CYTH3: variants seen among roughly 807,000 people sequenced by gnomAD.
CYTH3 encodes cytohesin 3.
CYTH3 carries 23 observed loss-of-function variants against 55.1 expected under a neutral mutation model. That is an observed-to-expected ratio of 0.42 (90% CI 0.30 to 0.59). The LOEUF (loss-of-function observed/expected upper bound fraction) is 0.59, where lower values mean the gene tolerates loss of function less well. Among genes scored for constraint, CYTH3 ranks in the 20% least tolerant of loss-of-function variants. The pLI is 0.20. For missense variants in CYTH3, 413 were observed against 524.8 expected (o/e 0.79, Z 2.08); for synonymous variants, 249 against 194.9 (o/e 1.28, Z -2.31).
intron 2 of CYTH3, 35 bp downstream of exon 2, chr7:6,190,414 G>GTTT: frequency 7.3e-7 from 1 of 1,371,636 alleles, no homozygotes; most frequent in Non-Finnish European, 9.4e-7. Context: ...AAAAAACAGA[G>GTTT]TTTTGGATTT....
At chr7:6,248,588 C>T (rs376768973) in intron 1 of CYTH3, among the ~76,000 whole-genome samples, 116 of 152,286 alleles carry the variant, frequency 7.6e-4, no homozygotes, top group African/African-American at 2.6e-3. Context: ...CGTGTTGAAG[C>T]CGCGTGTGTC....
chr7:6,213,450 C>T (rs73058682), intron 1 of CYTH3, among the ~76,000 whole-genome samples: 24 of 152,224 alleles, frequency 1.6e-4, no homozygotes, highest in Non-Finnish European at 2.4e-4. Context: ...GCTTTAATAA[C>T]GTTGGTGCCT....
intron 1 of CYTH3, among the ~76,000 whole-genome samples, chr7:6,225,353 A>AT (rs1299545723): frequency 4.0e-4 from 61 of 152,070 alleles, no homozygotes; most frequent in African/African-American, 1.4e-3. Flanking sequence ...AAGGAAAAAA[A>AT]ATTTTTTTTT....
intron 4 of CYTH3, among the ~76,000 whole-genome samples, chr7:6,179,735 CCACCACACA>C (rs1783442607): frequency 1.4e-5 from 1 of 73,310 alleles, no homozygotes; most frequent in Non-Finnish European, 2.4e-5. Flanking sequence ...ACACACACAC[CCACCACACA>C]CACCCCACAC....
chr7:6,225,354 ATT>A (rs774582947), intron 1 of CYTH3, among the ~76,000 whole-genome samples: 139 of 143,346 alleles, frequency 9.7e-4, no homozygotes, highest in African/African-American at 3.3e-3. Context: ...AGGAAAAAAA[ATT>A]TTTTTTTTTT....
chr7:6,221,499 C>T (rs764889087), intron 1 of CYTH3, among the ~76,000 whole-genome samples: 11 of 152,080 alleles, frequency 7.2e-5, no homozygotes, highest in Admixed American at 2.6e-4. Context: ...TTGATTGCAG[C>T]GGTGGCTACA....
At chr7:6,191,454 G>C (rs541052490) in intron 1 of CYTH3, among the ~76,000 whole-genome samples, 1 of 152,196 alleles carries the variant, frequency 6.6e-6, no homozygotes, top group South Asian at 2.1e-4. Context: ...AATAAAAGCA[G>C]ATTGTATGTT....
chr7:6,208,918 C>A (rs1465008551), intron 1 of CYTH3, among the ~76,000 whole-genome samples: 1 of 152,200 alleles, frequency 6.6e-6, no homozygotes, highest in African/African-American at 2.4e-5. Flanking sequence ...AAATAGAGTT[C>A]CTAGACCCTA....
At chr7:6,248,868 G>A (rs1159600943) in intron 1 of CYTH3, among the ~76,000 whole-genome samples, 1 of 152,152 alleles carries the variant, frequency 6.6e-6, no homozygotes, top group Non-Finnish European at 1.5e-5. Context: ...TCACTTCCAT[G>A]GGGATCTGGT....
chr7:6,167,315 G>C lies in CYTH3; in HGVS notation c.824-1505C>G, dbSNP rs1318587551. Among the ~76,000 whole-genome samples the C allele has an allele frequency of 6.6e-6, 1 of 152,200 alleles. No homozygotes were observed. Among genetic ancestry groups the C allele is most frequent in the Non-Finnish European group, 1.5e-5 (1 of 68,038 alleles). ...ACCTGCCTTGTCCCACAGTCCTCCA[G>C]TGAGCAGTGAGAGGTGTTCTATGTC... On this transcript the variant is annotated intron_variant, in intron 9 of 12. Coordinates refer to ENST00000350796, the MANE Select transcript of CYTH3 (RefSeq NM_004227.4). This position sits in a 1 kb window ranked among gnomAD's most constrained non-coding sequence, Gnocchi z 5.5.
intron 1 of CYTH3, among the ~76,000 whole-genome samples, chr7:6,261,440 TGAGGTG>T (rs1780351104): frequency 6.6e-6 from 1 of 151,870 alleles, no homozygotes; most frequent in Non-Finnish European, 1.5e-5. Context: ...TCCGGCCAGG[TGAGGTG>T]GCTCAGGCCT....
At chr7:6,203,179 A>G (rs1383227775) in intron 1 of CYTH3, among the ~76,000 whole-genome samples, 2 of 152,170 alleles carry the variant, frequency 1.3e-5, no homozygotes, top group African/African-American at 4.8e-5. Context: ...TGTAAAAATA[A>G]AATTTTTCCC....
In CYTH3 at chr7:6,164,978, G is replaced by A. The variant is rs761847410; in HGVS notation, c.1166C>T (p.Ala389Val). ...ISRDPFYDML[A>V]TRKRRIANKK is the part of the protein sequence containing the mutation. ...ATTGGCAATCCTTCGTTTCCTCGTT[G>A]CCAACATGTCATAGAAGGGATCTCT... The change falls in exon 13 of 13, where the codon GCA (alanine) becomes GTA (valine). Residue 389 changes from alanine to valine, a missense_variant. Coordinates refer to ENST00000350796, the MANE Select transcript of CYTH3 (RefSeq NM_004227.4). 1.9e-6 allele frequency: 3 copies of A among 1,614,096 alleles called. No homozygotes were observed. Among genetic ancestry groups the A allele is most frequent in the Non-Finnish European group, 2.5e-6 (3 of 1,180,042 alleles).
chr7:6,228,862 A>G (rs1356821760), intron 1 of CYTH3, among the ~76,000 whole-genome samples: 1 of 152,294 alleles, frequency 6.6e-6, no homozygotes, highest in East Asian at 1.9e-4. Context: ...TGGGAAAAAT[A>G]TCTAATTTTG....
rs1783132950 is a variant in CYTH3 at position 6,170,194 on chromosome 7, A to G, written c.823+341T>C. 1 of 273,814 alleles carries G rather than the reference A, an allele frequency of 3.7e-6. No individual in the cohort carries two copies. 17.0% of individuals were successfully genotyped at this position (273,814 alleles called of 1,614,324 possible). On this transcript the variant is annotated intron_variant, in intron 9 of 12. Coordinates refer to ENST00000350796, the MANE Select transcript of CYTH3 (RefSeq NM_004227.4). This position sits in a 1 kb window ranked among gnomAD's most constrained non-coding sequence, Gnocchi z 7.8. ...ACCACGCGTCAAAAATCACAGCCAC[A>G]CCAAACCGAGAGAGGCACACAGGCT...
intron 4 of CYTH3, among the ~76,000 whole-genome samples, chr7:6,183,742 C>G (rs1013371846): frequency 1.3e-5 from 2 of 151,948 alleles, no homozygotes; most frequent in Admixed American, 6.6e-5. Flanking sequence ...GTGTCCCCCC[C>G]ACAATTCATA....
At chr7:6,205,594 A>G (rs1305272591) in intron 1 of CYTH3, among the ~76,000 whole-genome samples, 3 of 152,188 alleles carry the variant, frequency 2.0e-5, no homozygotes, top group African/African-American at 7.2e-5. Flanking sequence ...ATAAAAAACA[A>G]GAAAAGAAGA....
In CYTH3 at chr7:6,164,589, C is replaced by G. The variant is rs10266841; in HGVS notation, c.*355G>C. 0.28 allele frequency: 86,321 copies of G among 310,478 alleles called. 17,927 individuals carry two copies. Among genetic ancestry groups the G allele is most frequent in the East Asian group, 0.73 (9,428 of 12,838 alleles). 19.2% of individuals were successfully genotyped at this position (310,478 alleles called of 1,614,324 possible). Reference sequence around the variant, plus strand: ...ATCCGTCCCGTGTCTGCTGTGGAGACAGCGGAAGCTGCTGTCCTGGCTTCT... The same window carrying G: ...ATCCGTCCCGTGTCTGCTGTGGAGAGAGCGGAAGCTGCTGTCCTGGCTTCT... On this transcript the variant is annotated 3_prime_UTR_variant, in exon 13 of 13. Coordinates refer to ENST00000350796, the MANE Select transcript of CYTH3 (RefSeq NM_004227.4).
chr7:6,267,230 A>G (rs1445742336), intron 1 of CYTH3, among the ~76,000 whole-genome samples: 1 of 152,220 alleles, frequency 6.6e-6, no homozygotes, highest in Non-Finnish European at 1.5e-5. Context: ...CCATGAGTCC[A>G]TGAAACCTCT....
Sources: gnomAD v4.1 joint callset for allele counts (sites outside exome capture counted in the v4.1 genomes callset) on GRCh38, gnomAD v4.1.1 for gene constraint, Gnocchi (gnomAD v3.1) non-coding constraint, MANE v1.5 for transcripts, NCBI Gene and HGNC (gene_info 2026-07-23, HGNC 2026-07-21) for gene names.